STAB2: variants seen among roughly 807,000 people sequenced by gnomAD.
STAB2 encodes stabilin 2, also known as stabilin-2.
In STAB2, 288 loss-of-function variants were observed where a neutral mutation model predicts 338.1. The ratio of observed to expected loss-of-function variants is 0.85; its 90% CI spans 0.77 to 0.94. The LOEUF (loss-of-function observed/expected upper bound fraction) is 0.94, where lower values mean the gene tolerates loss of function less well. STAB2 is among the 40% of genes least tolerant of loss of function. The pLI is 0.00. For synonymous variants in STAB2, 1,202 were observed against 1,193.3 expected (o/e 1.01, Z -0.15); for missense variants, 3,141 against 3,210.1 (o/e 0.98, Z 0.52).
At chr12:103,717,742 GA>G in intron 43 of STAB2, 27 bp from the exon 44 acceptor site, 1 of 1,613,028 alleles carries the variant, frequency 6.2e-7, no homozygotes, top group Middle Eastern at 1.7e-4. Flanking sequence ...CCTGCAAAAT[GA>G]CCCCATGTGC....
chr12:103,595,943 C>T (rs574869807), intron 3 of STAB2, among the ~76,000 whole-genome samples: 140 of 152,260 alleles, frequency 9.2e-4, no homozygotes, highest in African/African-American at 3.0e-3. Context: ...GATTAGACTC[C>T]TTGCCCTGGA....
At chr12:103,725,208 T>C in intron 45 of STAB2, 114 bp downstream of exon 45, 15 of 1,467,100 alleles carry the variant, frequency 1.0e-5, no homozygotes, top group African/African-American at 1.4e-5. Context: ...TATAAAAATA[T>C]GAAAGGCAAT....
At chr12:103,706,384 T>G (rs1879348236) in intron 37 of STAB2, among the ~76,000 whole-genome samples, 1 of 152,162 alleles carries the variant, frequency 6.6e-6, no homozygotes, top group South Asian at 2.1e-4. Context: ...TGCAGAGGCC[T>G]CCTCACCTTC....
At chr12:103,683,332 A>T (rs750785803) in intron 26 of STAB2, 32 bp downstream of exon 26, 24 of 330,384 alleles carry the variant, frequency 7.3e-5, no homozygotes, top group South Asian at 5.0e-4. Context: ...TTCATTACTT[A>T]AAAAAAAAAA....
chr12:103,653,234 T>C (rs899396037), intron 12 of STAB2, among the ~76,000 whole-genome samples: 11 of 152,044 alleles, frequency 7.2e-5, no homozygotes, highest in African/African-American at 1.4e-4. Context: ...GAGCAGGTGA[T>C]TAGTCAACAA....
chr12:103,657,217 A>T (rs961813046), intron 15 of STAB2, among the ~76,000 whole-genome samples: 2 of 115,626 alleles, frequency 1.7e-5, no homozygotes, highest in East Asian at 4.4e-4. Flanking sequence ...ATTCATACTT[A>T]AAGTGAGCTA....
At chr12:103,695,973 T>G in intron 33 of STAB2, 129 bp downstream of exon 33, 1 of 854,506 alleles carries the variant, frequency 1.2e-6, no homozygotes, top group South Asian at 1.6e-5. Flanking sequence ...TGACGTAGAC[T>G]GGTGCAGAGA....
chr12:103,683,943 T>A (rs77619957), intron 26 of STAB2, among the ~76,000 whole-genome samples: 10 of 152,146 alleles, frequency 6.6e-5, no homozygotes, highest in Non-Finnish European at 1.3e-4. Context: ...GAAGATAAAT[T>A]TGCTGGGAGG....
chr12:103,592,241 G>T, intron 2 of STAB2: 1 of 149,060 alleles, frequency 6.7e-6, no homozygotes. Context: ...GATTGCTTCT[G>T]ATTCTTTCTG....
chr12:103,719,488 A>G (rs1310683443), intron 44 of STAB2, among the ~76,000 whole-genome samples: 2 of 152,188 alleles, frequency 1.3e-5, no homozygotes, highest in Non-Finnish European at 2.9e-5. Flanking sequence ...GCCTGCAAGG[A>G]TGTGCTCCCT....
chr12:103,621,429 T>C (rs1260004021), intron 4 of STAB2, among the ~76,000 whole-genome samples: 1 of 152,206 alleles, frequency 6.6e-6, no homozygotes, highest in Non-Finnish European at 1.5e-5. Flanking sequence ...TGAGCTCAAC[T>C]GTCTTCAGAA....
Position 103,637,137 on chromosome 12 carries a change from T to G in STAB2, c.610T>G (p.Cys204Gly). The change falls in exon 7 of 69, where the codon TGC becomes GGC. Residue 204 changes from cysteine to glycine, a missense_variant. Physicochemically the swap from Cys to Gly is radical, Grantham distance 159. Transcript: ENST00000388887. ...KPIPECAALL[C>G]PENSRCSPST... ...CATCCCTGAATGTGCAGCCTTGCTCTGCCCAGAAAATTCCAGATGTTCGCC... is the reference window on the plus strand; with the variant it reads ...CATCCCTGAATGTGCAGCCTTGCTCGGCCCAGAAAATTCCAGATGTTCGCC... 1.9e-6 allele frequency: 3 copies of G among 1,613,014 alleles called. No individual in the cohort carries two copies. The highest frequency in any genetic ancestry group is 8.5e-7 in the Non-Finnish European group (1 of 1,179,712).
chr12:103,626,258 T>C (rs568771912), intron 5 of STAB2, among the ~76,000 whole-genome samples: 8 of 152,200 alleles, frequency 5.3e-5, no homozygotes, highest in Non-Finnish European at 1.0e-4. Context: ...GAGTTAAAAT[T>C]CAAATTTCAC....
At chr12:103,758,126 C>A in intron 63 of STAB2, 44 bp from the exon 64 acceptor site, 3 of 1,612,312 alleles carry the variant, frequency 1.9e-6, no homozygotes, top group Non-Finnish European at 2.5e-6. Flanking sequence ...CAGGTCCCTG[C>A]ACACCAGGGC....
chr12:103,661,060 G>T (rs1874565683), intron 17 of STAB2, among the ~76,000 whole-genome samples: 1 of 152,136 alleles, frequency 6.6e-6, no homozygotes, highest in Admixed American at 6.5e-5. Context: ...ATGGTAATGA[G>T]TGTCCCCAAG....
chr12:103,638,353 G>A (rs1365939044), intron 8 of STAB2, 141 bp downstream of exon 8: 10 of 908,058 alleles, frequency 1.1e-5, no homozygotes, highest in Middle Eastern at 3.5e-4. Flanking sequence ...AGTCCTCCAT[G>A]TGCTCAGAGC....
chr12:103,603,484 TA>T (rs1333478904), intron 3 of STAB2, among the ~76,000 whole-genome samples: 1 of 152,228 alleles, frequency 6.6e-6, no homozygotes, highest in Non-Finnish European at 1.5e-5. Context: ...CCTCTCCTCA[TA>T]AAATTGCCTT....
Position 103,730,132 on chromosome 12 carries a change from A to G in STAB2, c.5099A>G (p.Asn1700Ser), listed in dbSNP as rs1334901314. Residue 1700 changes from asparagine to serine, a missense_variant, in exon 49 of 69, where the codon AAC (asparagine) becomes AGC (serine). Coordinates refer to ENST00000388887, the MANE Select transcript of STAB2 (RefSeq NM_017564.10). ...ISVSQSTVYI[N>S]NKAKIISSDI... is the part of the protein sequence containing the mutation. ...TGATTTCAGAGCACGGTGTATATAA[A>G]CAATAAGGCTAAGATCATATCCAGT... 1 of 1,603,258 alleles carries G rather than the reference A, an allele frequency of 6.2e-7. No individual in the cohort carries two copies. Among genetic ancestry groups the G allele is most frequent in the Middle Eastern group, 1.7e-4 (1 of 5,980 alleles).
chr12:103,729,031 A>T (rs1161875140), intron 48 of STAB2, 36 bp downstream of exon 48: 1 of 1,608,680 alleles, frequency 6.2e-7, no homozygotes, highest in Non-Finnish European at 8.5e-7. Context: ...TCTCTCCCCT[A>T]GATCATGTCC....
Sources: allele counts gnomAD v4.1 joint callset (sites outside exome capture counted in the v4.1 genomes callset), GRCh38; gene constraint gnomAD v4.1.1; transcripts MANE v1.5; gene names NCBI Gene and HGNC (gene_info 2026-07-23, HGNC 2026-07-21).